COBLL1: variants seen among roughly 807,000 people sequenced by gnomAD.
The protein encoded by COBLL1 is cordon-bleu WH2 repeat protein like 1.
COBLL1 carries 50 observed loss-of-function variants against 94.8 expected under a neutral mutation model. The ratio of observed to expected loss-of-function variants is 0.53; its 90% CI spans 0.42 to 0.67. The LOEUF is 0.67. Among genes scored for constraint, COBLL1 ranks in the 30% least tolerant of loss-of-function variants. The pLI is 0.00. For synonymous variants in COBLL1, 448 were observed against 473.8 expected (o/e 0.95, Z 0.71); for missense variants, 1,362 against 1,348.7 (o/e 1.01, Z -0.15).
At chr2:164,774,636 C>T (rs767276037) in intron 2 of COBLL1, among the ~76,000 whole-genome samples, 1 of 152,146 alleles carries the variant, frequency 6.6e-6, no homozygotes, top group Non-Finnish European at 1.5e-5. Context: ...CAAAATATCA[C>T]AAGAACTGTG....
At chr2:164,724,825 A>T (rs1287687741) in intron 5 of COBLL1, 1 of 152,060 alleles carries the variant, frequency 6.6e-6, no homozygotes, top group East Asian at 1.9e-4. Flanking sequence ...TAAATACAAT[A>T]ATACAATATG....
chr2:164,718,366 T>C (rs1685282201), intron 7 of COBLL1: 1 of 352,198 alleles, frequency 2.8e-6, no homozygotes, highest in Non-Finnish European at 4.0e-6. Flanking sequence ...ATCAATTTAA[T>C]ATTATTCAAT....
chr2:164,741,540 A>AG (rs1216938675), intron 3 of COBLL1, among the ~76,000 whole-genome samples: 40 of 152,092 alleles, frequency 2.6e-4, no homozygotes, highest in African/African-American at 9.4e-4. Context: ...AAAAAAAAAA[A>AG]AGAGAGAAAG....
chr2:164,762,754 T>C (rs1265438569), intron 2 of COBLL1, among the ~76,000 whole-genome samples: 1 of 147,822 alleles, frequency 6.8e-6, no homozygotes, highest in Non-Finnish European at 1.5e-5. Context: ...TGGAGTGCAG[T>C]GGTGCGATCT....
At chr2:164,734,149 T>C (rs973156199) in intron 3 of COBLL1, among the ~76,000 whole-genome samples, 2 of 150,410 alleles carry the variant, frequency 1.3e-5, no homozygotes, top group Non-Finnish European at 2.9e-5. Flanking sequence ...ATGAAACTGA[T>C]CTAGAGAGAA....
At chr2:164,779,398 G>A (rs355896) in intron 2 of COBLL1, among the ~76,000 whole-genome samples, 79,412 of 151,840 alleles carry the variant, frequency 0.52, 22,991 homozygotes, top group African/African-American at 0.78. Flanking sequence ...CTATTTTCCC[G>A]ACAGGAAAAG....
intron 5 of COBLL1, chr2:164,727,230 T>C (rs901317408): frequency 5.8e-6 from 4 of 694,512 alleles, no homozygotes; most frequent in African/African-American, 1.8e-5. Flanking sequence ...GTTGAAAAAG[T>C]AGTCTATGGA....
intron 2 of COBLL1, among the ~76,000 whole-genome samples, chr2:164,826,192 G>A (rs766617648): frequency 5.9e-5 from 9 of 152,178 alleles, no homozygotes; most frequent in Non-Finnish European, 1.0e-4. Context: ...AATCACCTTG[G>A]TAGCATATTC....
chr2:164,701,033 TATTTC>T (rs1467747345), intron 9 of COBLL1, among the ~76,000 whole-genome samples: 3 of 152,224 alleles, frequency 2.0e-5, no homozygotes, highest in African/African-American at 7.2e-5. Flanking sequence ...TTAAGTTAAA[TATTTC>T]ATTTAAGAAA....
At chr2:164,840,868 T>G in intron 2 of COBLL1, 1 of 346,560 alleles carries the variant, frequency 2.9e-6, no homozygotes, top group Non-Finnish European at 5.2e-6. Context: ...GTCCCTTTGT[T>G]ACAATTTTTG....
chr2:164,745,564 G>T (rs1396258858), intron 2 of COBLL1, among the ~76,000 whole-genome samples: 2 of 152,132 alleles, frequency 1.3e-5, no homozygotes, highest in African/African-American at 2.4e-5. Flanking sequence ...TTCCTGAAGG[G>T]TTCATCGCCC....
intron 2 of COBLL1, among the ~76,000 whole-genome samples, chr2:164,788,710 C>A (rs4297904): frequency 7.9e-5 from 12 of 151,668 alleles, no homozygotes; most frequent in Non-Finnish European, 1.8e-4. Flanking sequence ...GATAACTGGC[C>A]GGACACAGTG....
intron 2 of COBLL1, among the ~76,000 whole-genome samples, chr2:164,832,066 C>A (rs1683102398): frequency 6.6e-6 from 1 of 152,184 alleles, no homozygotes; most frequent in African/African-American, 2.4e-5. Context: ...GCTATTAAAA[C>A]TTTGGCTTCA....
At chr2:164,727,489 C>T (rs1685772311) in intron 5 of COBLL1, among the ~76,000 whole-genome samples, 1 of 151,912 alleles carries the variant, frequency 6.6e-6, no homozygotes, top group South Asian at 2.1e-4. Flanking sequence ...TGATACATTT[C>T]ATAAGCCAAC....
chr2:164,661,059 T>C (rs1300450191), intron 2 of COBLL1, among the ~76,000 whole-genome samples: 1 of 152,154 alleles, frequency 6.6e-6, no homozygotes. Context: ...GTTTCTACCG[T>C]GAAATTGAAC....
chr2:164,743,970 G>T (rs1425322923), intron 2 of COBLL1, 95 bp from the exon 3 acceptor site: 8 of 850,100 alleles, frequency 9.4e-6, no homozygotes, highest in Non-Finnish European at 1.4e-5. Flanking sequence ...TCTAGTAGTG[G>T]TTTTTCACAT....
downstream of COBLL1, among the ~76,000 whole-genome samples, chr2:164,678,129 A>G (rs1330890241): frequency 6.6e-6 from 1 of 152,214 alleles, no homozygotes; most frequent in Non-Finnish European, 1.5e-5. Flanking sequence ...AGAGAAGAGC[A>G]AAGAGCAAGA....
At chr2:164,703,927 T>G (rs916760000) in intron 9 of COBLL1, among the ~76,000 whole-genome samples, 9 of 152,216 alleles carry the variant, frequency 5.9e-5, no homozygotes, top group Non-Finnish European at 1.2e-4. Flanking sequence ...ATGTAACTTG[T>G]AATGGAATTT....
chr2:164,811,725 C>T (rs1684467457), intron 2 of COBLL1, among the ~76,000 whole-genome samples: 2 of 151,538 alleles, frequency 1.3e-5, no homozygotes, highest in African/African-American at 4.8e-5. Context: ...AATGGAACAG[C>T]CAAAAAAGTA....
Sources: allele counts gnomAD v4.1 joint callset (sites outside exome capture counted in the v4.1 genomes callset), GRCh38; gene constraint gnomAD v4.1.1; transcripts MANE v1.5; gene names NCBI Gene and HGNC (gene_info 2026-07-23, HGNC 2026-07-21).